The following PRKCE variants were observed in gnomAD, a reference collection of about 807,000 sequenced individuals.
PRKCE encodes protein kinase C epsilon, also known as protein kinase C epsilon type.
Under a neutral mutation model 85.4 loss-of-function variants are expected in PRKCE, and 16 were observed. The observed-to-expected ratio is 0.19, with a 90% CI of 0.13 to 0.28. The LOEUF is 0.28. Among genes scored for constraint, PRKCE ranks in the 10% least tolerant of loss-of-function variants. The probability of loss-of-function intolerance (pLI) is 1.00; values close to 1 mark genes in which losing one functional copy is unlikely to be tolerated. For synonymous variants in PRKCE, 388 were observed against 371.5 expected (o/e 1.04, Z -0.51); for missense variants, 573 against 975.2 (o/e 0.59, Z 5.49).
chr2:46,096,921 G>T (rs1392421185), intron 11 of PRKCE, among the ~76,000 whole-genome samples: 1 of 152,166 alleles, frequency 6.6e-6, no homozygotes, highest in Non-Finnish European at 1.5e-5. Context: ...AATTGTAATA[G>T]TTAAATAAGC....
chr2:45,698,482 A>G (rs1026286116), intron 1 of PRKCE, among the ~76,000 whole-genome samples: 4 of 152,026 alleles, frequency 2.6e-5, no homozygotes, highest in African/African-American at 9.7e-5. Flanking sequence ...CATCTCTGCT[A>G]ATGATGTGGA....
At chr2:45,991,528 C>G (rs890778115) in intron 6 of PRKCE, among the ~76,000 whole-genome samples, 14 of 152,214 alleles carry the variant, frequency 9.2e-5, no homozygotes, top group African/African-American at 3.1e-4. Context: ...CAGACATCTA[C>G]TTTACTTACT....
chr2:45,862,043 C>A (rs1693199914), intron 2 of PRKCE, among the ~76,000 whole-genome samples: 1 of 152,006 alleles, frequency 6.6e-6, no homozygotes, highest in Non-Finnish European at 1.5e-5. Flanking sequence ...AGATGGGGAC[C>A]AAGGGACTTA....
At chr2:45,937,401 C>T (rs1321877823) in intron 2 of PRKCE, among the ~76,000 whole-genome samples, 1 of 152,146 alleles carries the variant, frequency 6.6e-6, no homozygotes, top group Admixed American at 6.5e-5. Flanking sequence ...ACATTTTTGA[C>T]AATTTGGTTT....
At chr2:45,840,099 TTGC>T (rs1691224154) in intron 1 of PRKCE, among the ~76,000 whole-genome samples, 1 of 152,152 alleles carries the variant, frequency 6.6e-6, no homozygotes, top group Non-Finnish European at 1.5e-5. Flanking sequence ...TCTCATTCCT[TTGC>T]TCTCTCCCTC....
chr2:45,660,280 A>G (rs1196427671), intron 1 of PRKCE, among the ~76,000 whole-genome samples: 2 of 152,214 alleles, frequency 1.3e-5, no homozygotes, highest in Non-Finnish European at 2.9e-5. Context: ...GGAAGGAGAA[A>G]AGGATATTTT....
intron 1 of PRKCE, among the ~76,000 whole-genome samples, chr2:45,728,635 C>G (rs2104526110): frequency 6.6e-6 from 1 of 152,248 alleles, no homozygotes; most frequent in East Asian, 1.9e-4. Context: ...ATTCTCAGCC[C>G]CTTGTTTTAC....
In PRKCE at chr2:46,077,194, C is replaced by T. The variant is rs558044694; in HGVS notation, c.1438-9014C>T. Among the ~76,000 whole-genome samples the T allele has an allele frequency of 3.6e-3, 550 of 151,890 alleles. 5 individuals carry two copies. The highest frequency in any genetic ancestry group is 0.012 in the African/African-American group (508 of 41,420). ...ACACACACACACACACACACGCACGCGCACACCCAAAATAATAATAATAAT... is the reference window on the plus strand; with the variant it reads ...ACACACACACACACACACACGCACGTGCACACCCAAAATAATAATAATAAT... On this transcript the variant is annotated intron_variant, in intron 10 of 14. Transcript: ENST00000306156.
At chr2:45,963,738 C>T (rs940720754) in intron 2 of PRKCE, among the ~76,000 whole-genome samples, 2 of 152,180 alleles carry the variant, frequency 1.3e-5, no homozygotes, top group African/African-American at 2.4e-5. Context: ...ATCAGAATAC[C>T]CACCTGGTCA....
At chr2:45,730,415 C>A (rs1201708368) in intron 1 of PRKCE, among the ~76,000 whole-genome samples, 2 of 151,668 alleles carry the variant, frequency 1.3e-5, no homozygotes, top group African/African-American at 4.8e-5. Context: ...ACCTTGGCCT[C>A]CCAAAGCTCT....
At chr2:46,173,250 C>T (rs746599245) in intron 14 of PRKCE, among the ~76,000 whole-genome samples, 1 of 152,222 alleles carries the variant, frequency 6.6e-6, no homozygotes, top group Non-Finnish European at 1.5e-5. Flanking sequence ...TATCGGAACA[C>T]AGCCACCGTC....
chr2:45,855,330 G>A (rs895675064), intron 2 of PRKCE, among the ~76,000 whole-genome samples: 1 of 152,202 alleles, frequency 6.6e-6, no homozygotes, highest in Non-Finnish European at 1.5e-5. Flanking sequence ...TTGGATCTTA[G>A]CAGGTATTTA....
chr2:46,054,461 C>T (rs1218151776), intron 10 of PRKCE, among the ~76,000 whole-genome samples: 4 of 152,238 alleles, frequency 2.6e-5, no homozygotes, highest in Admixed American at 2.0e-4. Context: ...CCCTCAGCCT[C>T]TGCTCACTAG....
At position 45,726,844 on chromosome 2, in the gene PRKCE, G is replaced by C. The variant is rs1299776481; in HGVS notation, c.348+74396G>C. Among the ~76,000 whole-genome samples the C allele has an allele frequency of 2.0e-5, 3 of 152,302 alleles. No individual in the cohort carries two copies. In the East Asian group the frequency reaches 5.8e-4, roughly 29 times the overall value. ...TAGAGGGCTTGTAGGGTGGCTGTAG[G>C]GTGGTGGAAAAAGAAGCAGAACTGA... On this transcript the variant is annotated intron_variant, in intron 1 of 14. Coordinates refer to ENST00000306156, the MANE Select transcript of PRKCE (RefSeq NM_005400.3).
intron 1 of PRKCE, among the ~76,000 whole-genome samples, chr2:45,748,271 T>A (rs542465563): frequency 6.6e-6 from 1 of 152,322 alleles, no homozygotes; most frequent in East Asian, 1.9e-4. Context: ...ATTTTGCAGG[T>A]GAGGAAATTG....
At chr2:46,022,806 G>A (rs193277657) in intron 10 of PRKCE, among the ~76,000 whole-genome samples, 3 of 152,172 alleles carry the variant, frequency 2.0e-5, no homozygotes, top group Non-Finnish European at 2.9e-5. Context: ...ATCATCGGCC[G>A]GGCGCGGTGG....
intron 1 of PRKCE, among the ~76,000 whole-genome samples, chr2:45,667,051 C>A (rs534490889): frequency 2.6e-5 from 4 of 152,156 alleles, no homozygotes; most frequent in Non-Finnish European, 5.9e-5. Flanking sequence ...TGGCTCATGC[C>A]TGTAATCCCA....
At chr2:45,887,990 G>A (rs1173784766) in intron 2 of PRKCE, among the ~76,000 whole-genome samples, 1 of 152,212 alleles carries the variant, frequency 6.6e-6, no homozygotes, top group South Asian at 2.1e-4. Flanking sequence ...AGGATAGAAT[G>A]TATGCTGGAA....
At chr2:45,809,432 AAAG>A (rs1160809437) in intron 1 of PRKCE, among the ~76,000 whole-genome samples, 1 of 152,230 alleles carries the variant, frequency 6.6e-6, no homozygotes, top group South Asian at 2.1e-4. Context: ...AGAACAGTAA[AAAG>A]GAGAATTTGC....
Sources: allele counts gnomAD v4.1 joint callset (sites outside exome capture counted in the v4.1 genomes callset), GRCh38; gene constraint gnomAD v4.1.1; transcripts MANE v1.5; gene names NCBI Gene and HGNC (gene_info 2026-07-23, HGNC 2026-07-21).